CNTN1: variants seen among roughly 807,000 people sequenced by gnomAD.
CNTN1 encodes the protein contactin 1.
Under a neutral mutation model 126.4 loss-of-function variants are expected in CNTN1, and 38 were observed. The ratio of observed to expected loss-of-function variants is 0.30; its 90% confidence interval spans 0.23 to 0.39. The LOEUF (loss-of-function observed/expected upper bound fraction) is 0.39, where lower values mean the gene tolerates loss of function less well. Ranked by LOEUF, CNTN1 falls within the 10% of genes least tolerant of loss-of-function variation. The probability of loss-of-function intolerance (pLI) is 1.00; values close to 1 mark genes in which losing one functional copy is unlikely to be tolerated. For missense variants in CNTN1, 1,009 were observed against 1,248.4 expected, an observed-to-expected ratio of 0.81 and a Z score of 2.89; for synonymous variants, 413 against 422.6, an observed-to-expected ratio of 0.98 and a Z score of 0.28.
chr12:40,762,422 C>A (rs1034842478), intron 1 of CNTN1, among the ~76,000 whole-genome samples: 1 of 152,208 alleles, frequency 6.6e-6, no homozygotes, highest in East Asian at 1.9e-4. Flanking sequence ...CCTTAGAAAA[C>A]AGATTAACAT....
At chr12:40,921,544 C>T (rs1945442846) in intron 4 of CNTN1, among the ~76,000 whole-genome samples, 1 of 152,068 alleles carries the variant, frequency 6.6e-6, no homozygotes, top group Non-Finnish European at 1.5e-5. Context: ...TGCAGCATGT[C>T]TTATATTGTT....
chr12:40,822,081 T>G (rs191641096), intron 1 of CNTN1, among the ~76,000 whole-genome samples: 63 of 151,526 alleles, frequency 4.2e-4, no homozygotes, highest in Admixed American at 7.2e-4. Flanking sequence ...GTAACTATGA[T>G]CCTGAATTTG....
chr12:41,020,672 G>A (rs900570555), intron 20 of CNTN1, among the ~76,000 whole-genome samples: 2 of 152,030 alleles, frequency 1.3e-5, no homozygotes, highest in Admixed American at 1.3e-4. Flanking sequence ...CAAACAATTG[G>A]CCAAAATAAA....
chr12:40,754,673 C>T (rs1417242763), intron 1 of CNTN1, among the ~76,000 whole-genome samples: 1 of 151,928 alleles, frequency 6.6e-6, no homozygotes, highest in Non-Finnish European at 1.5e-5. Context: ...ATGATATTTT[C>T]TCTTTTTCTA....
At chr12:40,852,091 ATGT>A (rs1942738289) in intron 1 of CNTN1, among the ~76,000 whole-genome samples, 1 of 152,146 alleles carries the variant, frequency 6.6e-6, no homozygotes, top group Admixed American at 6.5e-5. Context: ...TGACCAATGG[ATGT>A]TGTCTGTAAA....
At chr12:40,995,594 G>T (rs1948193459) in intron 17 of CNTN1, among the ~76,000 whole-genome samples, 1 of 151,906 alleles carries the variant, frequency 6.6e-6, no homozygotes, top group Non-Finnish European at 1.5e-5. Flanking sequence ...TTCTCAAATG[G>T]TATTTTGTTA....
At chr12:40,864,019 CTTTTTT>C (rs71434336) in intron 1 of CNTN1, among the ~76,000 whole-genome samples, 1 of 92,584 alleles carries the variant, frequency 1.1e-5, no homozygotes, top group Admixed American at 1.4e-4. Context: ...CTCTGCTTTC[CTTTTTT>C]TTTTTTTTTT....
intron 9 of CNTN1, among the ~76,000 whole-genome samples, chr12:40,936,055 A>T (rs1469474401): frequency 6.6e-6 from 1 of 152,116 alleles, no homozygotes; most frequent in Non-Finnish European, 1.5e-5. Flanking sequence ...TGGACTAGAT[A>T]ACTGAAATAA....
At chr12:40,877,988 CTTTTTT>C (rs199626249) in intron 1 of CNTN1, among the ~76,000 whole-genome samples, 21 of 109,348 alleles carry the variant, frequency 1.9e-4, no homozygotes, top group South Asian at 3.2e-4. Context: ...CAGTTTTTTC[CTTTTTT>C]TTTTTTTTTT....
In CNTN1 at chr12:40,944,114, A is replaced by G; in HGVS notation, c.1627A>G (p.Asn543Asp). 2 of 1,613,532 alleles carry G rather than the reference A, an allele frequency of 1.2e-6. No homozygotes were observed. The highest frequency in any genetic ancestry group is 3.3e-4 in the Middle Eastern group (2 of 6,060). The change falls in exon 14 of 24, where the codon AAT becomes GAT. Residue 543 changes from asparagine (N) to aspartate (D), a missense_variant. Asn to Asp is a conservative substitution (Grantham distance 23). Transcript: ENST00000551295. ...ALDLTFVWSF[N>D]GYVIDFNKEN... is the part of the protein sequence containing the mutation. Reference sequence around the variant, plus strand: ...GGATCTCACATTTGTTTGGTCCTTCAATGGCTATGTGATCGATTTTAACAA... The same window carrying G: ...GGATCTCACATTTGTTTGGTCCTTCGATGGCTATGTGATCGATTTTAACAA...
At chr12:41,016,356 G>A (rs982925338) in intron 18 of CNTN1, among the ~76,000 whole-genome samples, 1 of 152,062 alleles carries the variant, frequency 6.6e-6, no homozygotes, top group Admixed American at 6.5e-5. Context: ...AGAAAACGTC[G>A]AGGTGATTTT....
At chr12:40,909,722 G>T (rs1194176902) in intron 2 of CNTN1, among the ~76,000 whole-genome samples, 1 of 150,932 alleles carries the variant, frequency 6.6e-6, no homozygotes, top group East Asian at 1.9e-4. Context: ...CACATACATA[G>T]ATGTAATTAC....
chr12:41,033,219 T>G (rs1949183259), intron 23 of CNTN1, among the ~76,000 whole-genome samples: 1 of 152,202 alleles, frequency 6.6e-6, no homozygotes, highest in Non-Finnish European at 1.5e-5. Flanking sequence ...GTAGTGCATA[T>G]CAAGGCAAAT....
At position 40,894,334 on chromosome 12, in the gene CNTN1, G is replaced by A. The variant is rs150339010; in HGVS notation, c.-76-14023G>A. 4.6e-3 allele frequency among the ~76,000 whole-genome samples: 693 copies of A among 152,098 alleles called. 5 individuals are homozygous for A. Among genetic ancestry groups the A allele is most frequent in the African/African-American group, 0.012 (514 of 41,500 alleles). On this transcript the variant is annotated intron_variant, in intron 1 of 23. Transcript: ENST00000551295. ...CTCTATTGTATCCTTCCTCCCAATT[G>A]TTAAAACCCACAGCAGATATACATG...
chr12:40,747,695 T>G (rs894894259), intron 1 of CNTN1, among the ~76,000 whole-genome samples: 3 of 152,002 alleles, frequency 2.0e-5, no homozygotes, highest in Non-Finnish European at 2.9e-5. Context: ...TTGTTGTAAA[T>G]TAACAGAATA....
At chr12:40,982,321 A>G (rs530779022) in intron 16 of CNTN1, among the ~76,000 whole-genome samples, 1 of 152,286 alleles carries the variant, frequency 6.6e-6, no homozygotes, top group South Asian at 2.1e-4. Flanking sequence ...TTATAAACCT[A>G]AAGCATGGGC....
At chr12:40,892,956 G>GGC (rs1944292963) in intron 1 of CNTN1, among the ~76,000 whole-genome samples, 2 of 48,908 alleles carry the variant, frequency 4.1e-5, no homozygotes, top group African/African-American at 1.7e-4. Flanking sequence ...AATGAAAACT[G>GGC]GGGGGGGTGA....
At chr12:40,973,752 C>T (rs1024512389) in intron 15 of CNTN1, among the ~76,000 whole-genome samples, 2 of 151,976 alleles carry the variant, frequency 1.3e-5, no homozygotes, top group African/African-American at 4.8e-5. Context: ...GTTTAGAAAG[C>T]CAGTGTTTAA....
At chr12:40,835,799 TACACACACACAC>T (rs10556497) in intron 1 of CNTN1, among the ~76,000 whole-genome samples, 37 of 142,530 alleles carry the variant, frequency 2.6e-4, no homozygotes, top group Middle Eastern at 3.7e-3. Context: ...ATGCTATTTA[TACACACACACAC>T]ACACACACAC....
Sources: gnomAD v4.1 joint callset for allele counts (sites outside exome capture counted in the v4.1 genomes callset) on GRCh38, gnomAD v4.1.1 for gene constraint, MANE v1.5 for transcripts, NCBI Gene and HGNC (gene_info 2026-07-23, HGNC 2026-07-21) for gene names.